The following LINC00632 variants were observed in gnomAD, a reference collection of about 807,000 sequenced individuals.
LINC00632 encodes ALDOA related specific transcript.
At chrX:140,753,742 ATTTCT>A (rs1434957742) in intron 3 of LINC00632, among the ~76,000 whole-genome samples, 2 of 67,682 alleles carry the variant, frequency 3.0e-5, no homozygotes, top group Non-Finnish European at 6.0e-5. Context: ...TGGTGCCTAT[ATTTCT>A]TTTCTTTTCT....
chrX:140,730,359 CATT>C (rs1326380642), intron 2 of LINC00632, among the ~76,000 whole-genome samples: 1 of 110,722 alleles, frequency 9.0e-6, no homozygotes, highest in Admixed American at 9.7e-5. Flanking sequence ...ACATAAAGCT[CATT>C]ATTCCAAAAC....
chrX:140,714,241 A>G (rs1228460374), intron 2 of LINC00632: 8 of 149,372 alleles, frequency 5.4e-5, no homozygotes, highest in Non-Finnish European at 9.1e-5. Context: ...CATTGTGTAC[A>G]GACAAGCACC....
intron 2 of LINC00632, among the ~76,000 whole-genome samples, chrX:140,721,795 T>A (rs1239767706): frequency 9.0e-6 from 1 of 110,939 alleles, no homozygotes; most frequent in Non-Finnish European, 1.9e-5. Context: ...TTAGATAACA[T>A]ACAGAAAAAA....
exon 5 of LINC00632, among the ~76,000 whole-genome samples, chrX:140,785,593 A>G (rs1454833078): frequency 2.7e-5 from 3 of 112,486 alleles, no homozygotes; most frequent in Non-Finnish European, 5.6e-5. Context: ...TGTCACTGCC[A>G]GAGTCTGTTT....
chrX:140,772,092 A>G (rs776095240), exon 4 of LINC00632: 10 of 291,429 alleles, frequency 3.4e-5, no homozygotes, highest in Non-Finnish European at 5.4e-5. Context: ...TGTGCTTCTC[A>G]CCTCAGCGTG....
intron 3 of LINC00632, among the ~76,000 whole-genome samples, chrX:140,748,961 G>A (rs1931371634): frequency 1.9e-5 from 2 of 107,930 alleles, no homozygotes; most frequent in South Asian, 7.7e-4. Flanking sequence ...ATTGTTAATT[G>A]TAATAATAAG....
At chrX:140,784,244 T>C (rs1931982261) in exon 5 of LINC00632, 1 of 1,210,270 alleles carries the variant, frequency 8.3e-7, no homozygotes, top group Non-Finnish European at 1.1e-6. Context: ...AATTAATGTC[T>C]TCCAGCCTAC....
intron 2 of LINC00632, chrX:140,714,537 C>G (rs1370261213): frequency 8.9e-6 from 1 of 112,266 alleles, no homozygotes; most frequent in East Asian, 2.8e-4. Context: ...CAAATACTTG[C>G]TCCAGCCGGA....
chrX:140,779,727 T>C (rs1931910348), exon 5 of LINC00632, among the ~76,000 whole-genome samples: 2 of 112,354 alleles, frequency 1.8e-5, no homozygotes. Flanking sequence ...AGACACTGCA[T>C]TTCATCTTTC....
At chrX:140,723,448 C>T (rs1470181193) in intron 2 of LINC00632, among the ~76,000 whole-genome samples, 3 of 1,035 alleles carry the variant, frequency 2.9e-3, no homozygotes, top group Non-Finnish European at 0.01. Context: ...CATACACACA[C>T]ATTCCACACA....
exon 5 of LINC00632, among the ~76,000 whole-genome samples, chrX:140,775,682 A>G (rs1271821647): frequency 8.9e-6 from 1 of 111,999 alleles, no homozygotes; most frequent in Non-Finnish European, 1.9e-5. Flanking sequence ...GTGCTTGCCA[A>G]AAAGAGACTT....
intron 3 of LINC00632, among the ~76,000 whole-genome samples, chrX:140,762,209 A>AAGAGAGAG (rs35880613): frequency 0.038 from 2,566 of 67,070 alleles, 35 homozygotes; most frequent in Non-Finnish European, 0.045. Flanking sequence ...GTTTTTCGAA[A>AAGAGAGAG]AGAGAGAGAG....
At chrX:140,722,875 C>T in intron 2 of LINC00632, among the ~76,000 whole-genome samples, 1 of 110,452 alleles carries the variant, frequency 9.1e-6, no homozygotes, top group Non-Finnish European at 1.9e-5. Flanking sequence ...CATGGAGAAA[C>T]CCCGTCTCTA....
intron 3 of LINC00632, among the ~76,000 whole-genome samples, chrX:140,769,897 T>G (rs1387920869): frequency 2.7e-5 from 3 of 111,893 alleles, no homozygotes; most frequent in African/African-American, 6.5e-5. Context: ...TCTTACTTTC[T>G]GTACTATAAA....
At chrX:140,768,929 G>A (rs974439584) in intron 3 of LINC00632, among the ~76,000 whole-genome samples, 5 of 107,238 alleles carry the variant, frequency 4.7e-5, no homozygotes, top group African/African-American at 1.7e-4. Flanking sequence ...TCATATAATG[G>A]AATGAATGGG....
At chrX:140,789,758 T>C (rs1379207305) in exon 5 of LINC00632, among the ~76,000 whole-genome samples, 1 of 112,016 alleles carries the variant, frequency 8.9e-6, no homozygotes, top group African/African-American at 3.2e-5. Flanking sequence ...TTTAAGAAAT[T>C]GCTTGTTTGT....
chrX:140,712,163 A>G (rs918897976), intron 2 of LINC00632: 7 of 110,384 alleles, frequency 6.3e-5, no homozygotes, highest in African/African-American at 2.3e-4. Flanking sequence ...CTAGAGCACC[A>G]TGTTTGTGCT....
intron 2 of LINC00632, among the ~76,000 whole-genome samples, chrX:140,720,167 A>G (rs986921058): frequency 2.7e-5 from 3 of 111,188 alleles, no homozygotes; most frequent in Non-Finnish European, 5.7e-5. Flanking sequence ...TAGAACCACA[A>G]TGCATGGACA....
intron 2 of LINC00632, among the ~76,000 whole-genome samples, chrX:140,724,529 CACACACATTCCAT>C (rs1426261244): frequency 6.5e-3 from 22 of 3,402 alleles, no homozygotes; most frequent in East Asian, 0.03. Flanking sequence ...ACACATTCCA[CACACACATTCCAT>C]ACACACACAC....
Sources: gnomAD v4.1 joint callset for allele counts (sites outside exome capture counted in the v4.1 genomes callset) on GRCh38, gnomAD v4.1.1 for gene constraint, MANE v1.5 for transcripts, NCBI Gene and HGNC (gene_info 2026-07-23, HGNC 2026-07-21) for gene names.